The following SH3PXD2B variants were observed in gnomAD, a reference collection of about 807,000 sequenced individuals.
SH3PXD2B encodes the protein SH3 and PX domain-containing protein 2B.
Under a neutral mutation model 73.1 loss-of-function variants are expected in SH3PXD2B, and 37 were observed. The ratio of observed to expected loss-of-function variants is 0.51; its 90% CI spans 0.39 to 0.67. The LOEUF is 0.67. Among genes scored for constraint, SH3PXD2B ranks in the 30% least tolerant of loss-of-function variants. SH3PXD2B has a pLI of 0.00. For missense variants in SH3PXD2B, 1,053 were observed against 1,197.8 expected (o/e 0.88, Z 1.78); for synonymous variants, 457 against 480.5 (o/e 0.95, Z 0.64).
chr5:172,327,940 A>G (rs532290317), intron 12 of SH3PXD2B, among the ~76,000 whole-genome samples: 2 of 152,102 alleles, frequency 1.3e-5, no homozygotes, highest in East Asian at 3.9e-4. Flanking sequence ...CTTTTAGTAA[A>G]GATGGGGTTT....
At chr5:172,450,675 TA>T (rs1759774620) in intron 1 of SH3PXD2B, among the ~76,000 whole-genome samples, 1 of 152,054 alleles carries the variant, frequency 6.6e-6, no homozygotes, top group African/African-American at 2.4e-5. Context: ...GCCGAGACAC[TA>T]ATGCTTCTGT....
chr5:172,454,373 C>A lies in SH3PXD2B; in HGVS notation c.-21G>T. ...GGCATGGCCGCTCCTCCGCCCGCAG[C>A]GGGCCGAGCGCGGGTGCGGGTGGCG... On this transcript the variant is annotated 5_prime_UTR_variant, in exon 1 of 13. Transcript: ENST00000311601. 1.4e-6 allele frequency: 2 copies of A among 1,435,570 alleles called. No individual in the cohort carries two copies. Among genetic ancestry groups the A allele is most frequent in the East Asian group, 3.0e-5 (1 of 33,826 alleles). 88.9% of individuals were successfully genotyped at this position (1,435,570 alleles called of 1,614,324 possible).
Position 172,334,154 on chromosome 5 carries a change from G to T in SH3PXD2B, c.*4215C>A. The T allele has an allele frequency of 9.0e-7, 1 of 1,115,732 alleles. No individual in the cohort carries two copies. Among genetic ancestry groups the T allele is most frequent in the Non-Finnish European group, 1.1e-6 (1 of 910,496 alleles). 69.1% of individuals were successfully genotyped at this position (1,115,732 alleles called of 1,614,324 possible). On this transcript the variant is annotated 3_prime_UTR_variant, in exon 13 of 13. Transcript: ENST00000311601. ...GATAGAAACGGGAAGATGGAATGTT[G>T]AAACATGAGGAGGAGCTCGATAACT... is the stretch of plus-strand genomic sequence containing the variant.
intron 9 of SH3PXD2B, 139 bp from the exon 10 acceptor site, chr5:172,350,728 C>T (rs1003878928): frequency 1.3e-6 from 1 of 786,192 alleles, no homozygotes; most frequent in Non-Finnish European, 2.0e-6. Flanking sequence ...GAGGTTGGCA[C>T]ACACTGTGCA....
At chr5:172,372,086 C>T (rs548706179) in intron 6 of SH3PXD2B, among the ~76,000 whole-genome samples, 9 of 152,268 alleles carry the variant, frequency 5.9e-5, no homozygotes, top group African/African-American at 1.7e-4. Context: ...CCACAGGGCC[C>T]GTACCCAGGG....
chr5:172,333,805 GC>G lies in SH3PXD2B; in HGVS notation c.*4563del. 7.8e-7 allele frequency: 1 copy of G among 1,288,656 alleles called. No homozygotes were observed. The allele number at this position is 1,288,656 out of a possible 1,614,324, so 79.8% of individuals were successfully genotyped here. On this transcript the variant is annotated 3_prime_UTR_variant, in exon 13 of 13. Transcript: ENST00000311601. ...GTAAGAAATGGCCTGTTACTTGGAA[GC>G]TCCCCAAAGCAGGAAATGTGGGTTG...
At chr5:172,385,348 C>T (rs17703470) in intron 4 of SH3PXD2B, among the ~76,000 whole-genome samples, 9,550 of 152,182 alleles carry the variant, frequency 0.063, 485 homozygotes, top group African/African-American at 0.14. Context: ...ACGTGTTCAT[C>T]TGTGTCACTT....
At chr5:172,331,622 G>A (rs10040887), downstream of SH3PXD2B, among the ~76,000 whole-genome samples, 92,924 of 152,042 alleles carry the variant, frequency 0.61, 28,792 homozygotes, top group South Asian at 0.82. Context: ...AGGTATGAGA[G>A]GGTGAGGCAG....
chr5:172,430,204 C>G (rs2569213), intron 1 of SH3PXD2B, among the ~76,000 whole-genome samples: 37,658 of 152,200 alleles, frequency 0.25, 5,488 homozygotes, highest in Non-Finnish European at 0.33. Context: ...TCATTGTGAG[C>G]AGAAGGTCAC....
At position 172,376,487 on chromosome 5, in the gene SH3PXD2B, C is replaced by A. The variant is rs551661101; in HGVS notation, c.402-2672G>T. On this transcript the variant is annotated intron_variant, in intron 5 of 12. Coordinates refer to ENST00000311601, the MANE Select transcript of SH3PXD2B (RefSeq NM_001017995.3). ...CATTTTCTTTGGAGAAATGTCTACT[C>A]AATGTGTCTGGGTTTTTAACCACCA... Among the ~76,000 whole-genome samples the A allele has an allele frequency of 3.5e-4, 54 of 152,302 alleles. 1 individual carries two copies. In the South Asian group the frequency reaches 0.011, roughly 32 times the overall value.
At chr5:172,345,995 T>C in intron 12 of SH3PXD2B, 141 bp downstream of exon 12, 1 of 1,307,828 alleles carries the variant, frequency 7.6e-7, no homozygotes, top group South Asian at 1.2e-5. Context: ...TTGTAAACTG[T>C]ATGGTATGTG....
intron 5 of SH3PXD2B, among the ~76,000 whole-genome samples, chr5:172,374,950 C>G (rs969870888): frequency 1.3e-5 from 2 of 152,180 alleles, no homozygotes; most frequent in African/African-American, 4.8e-5. Context: ...AGACGAGGAA[C>G]AGAGAGGCTA....
intron 4 of SH3PXD2B, among the ~76,000 whole-genome samples, chr5:172,387,494 C>G (rs978367251): frequency 6.6e-6 from 1 of 152,194 alleles, no homozygotes; most frequent in African/African-American, 2.4e-5. Context: ...GAGCCCAGTA[C>G]CGTACACCCT....
At chr5:172,342,076 G>A (rs1756864503) in intron 12 of SH3PXD2B, among the ~76,000 whole-genome samples, 1 of 152,198 alleles carries the variant, frequency 6.6e-6, no homozygotes, top group African/African-American at 2.4e-5. Context: ...ATGACCACGT[G>A]AGAAACAGCA....
intron 1 of SH3PXD2B, among the ~76,000 whole-genome samples, chr5:172,427,808 T>G (rs1459725846): frequency 6.6e-6 from 1 of 151,648 alleles, no homozygotes; most frequent in East Asian, 1.9e-4. Flanking sequence ...GATGGAGTCT[T>G]GCCCTATCAC....
At chr5:172,440,255 C>T (rs72846985) in intron 1 of SH3PXD2B, among the ~76,000 whole-genome samples, 38,294 of 152,200 alleles carry the variant, frequency 0.25, 5,604 homozygotes, top group East Asian at 0.67. Context: ...AAGGAGCACG[C>T]GGTCGAGATG....
At chr5:172,327,329 C>T (rs972675570) in intron 12 of SH3PXD2B, among the ~76,000 whole-genome samples, 9 of 152,098 alleles carry the variant, frequency 5.9e-5, no homozygotes, top group Non-Finnish European at 8.8e-5. Flanking sequence ...ACATCGTTTT[C>T]GAAAGGTAAA....
chr5:172,395,720 A>C (rs1758277861), intron 3 of SH3PXD2B, among the ~76,000 whole-genome samples: 1 of 152,170 alleles, frequency 6.6e-6, no homozygotes, highest in African/African-American at 2.4e-5. Flanking sequence ...TCTACCACAC[A>C]GTCAGGGGTG....
At chr5:172,436,394 C>T (rs530976525) in intron 1 of SH3PXD2B, among the ~76,000 whole-genome samples, 10 of 152,340 alleles carry the variant, frequency 6.6e-5, no homozygotes, top group African/African-American at 2.2e-4. Context: ...ATACAGGGCC[C>T]GGGCTCCTTC....
Sources: allele counts gnomAD v4.1 joint callset (sites outside exome capture counted in the v4.1 genomes callset), GRCh38; gene constraint gnomAD v4.1.1; transcripts MANE v1.5; gene names NCBI Gene and HGNC (gene_info 2026-07-23, HGNC 2026-07-21).